NELL1: variants seen among roughly 807,000 people sequenced by gnomAD.
The protein encoded by NELL1 is protein kinase C-binding protein NELL1.
A neutral mutation model predicts 107.4 loss-of-function variants in NELL1; 76 were observed. The observed-to-expected ratio is 0.71, with a 90% CI of 0.59 to 0.86. The LOEUF is 0.86. Among genes scored for constraint, NELL1 ranks in the 40% least tolerant of loss-of-function variants. The pLI is 0.00. For missense variants in NELL1, 1,024 were observed against 1,005.5 expected (o/e 1.02, Z -0.25); for synonymous variants, 353 against 341.2 (o/e 1.03, Z -0.38).
intron 12 of NELL1, among the ~76,000 whole-genome samples, chr11:20,967,830 C>G (rs1002771820): frequency 1.3e-5 from 2 of 152,178 alleles, no homozygotes; most frequent in African/African-American, 2.4e-5. Context: ...TCCCATGCCT[C>G]TTAGAATAAT....
At chr11:21,418,843 T>A (rs1387790825) in intron 15 of NELL1, among the ~76,000 whole-genome samples, 1 of 152,162 alleles carries the variant, frequency 6.6e-6, no homozygotes, top group Admixed American at 6.6e-5. Flanking sequence ...ATTCCTTATG[T>A]GTGGATTTCA....
intron 12 of NELL1, among the ~76,000 whole-genome samples, chr11:20,975,132 C>T (rs978273934): frequency 2.0e-5 from 3 of 152,074 alleles, no homozygotes; most frequent in African/African-American, 4.8e-5. Context: ...CCTCAGCTTC[C>T]GAAGTAGCTG....
intron 12 of NELL1, among the ~76,000 whole-genome samples, chr11:21,060,285 T>C (rs576347026): frequency 4.4e-4 from 67 of 152,210 alleles, no homozygotes; most frequent in Non-Finnish European, 8.2e-4. Context: ...GATTTCTCCT[T>C]CTGTATTATG....
intron 12 of NELL1, among the ~76,000 whole-genome samples, chr11:21,017,423 TC>T (rs1852592479): frequency 6.6e-6 from 1 of 152,090 alleles, no homozygotes; most frequent in South Asian, 2.1e-4. Flanking sequence ...GGTGGCTGCT[TC>T]CCAGCTTTTG....
intron 17 of NELL1, among the ~76,000 whole-genome samples, chr11:21,565,984 ATC>A (rs1856963971): frequency 2.0e-5 from 3 of 151,960 alleles, no homozygotes; most frequent in African/African-American, 7.2e-5. Context: ...CATAGTCTAT[ATC>A]AGGCATCAGC....
At chr11:20,961,940 G>A (rs1851299731) in intron 12 of NELL1, among the ~76,000 whole-genome samples, 1 of 152,098 alleles carries the variant, frequency 6.6e-6, no homozygotes, top group African/African-American at 2.4e-5. Flanking sequence ...TACTACTAGA[G>A]ACCAGTACCT....
At chr11:21,418,180 A>G (rs923846574) in intron 15 of NELL1, among the ~76,000 whole-genome samples, 1 of 152,116 alleles carries the variant, frequency 6.6e-6, no homozygotes, top group Admixed American at 6.6e-5. Context: ...CTAGAAATAC[A>G]GTACTGAGAA....
At chr11:21,107,526 G>T (rs887072842) in intron 12 of NELL1, among the ~76,000 whole-genome samples, 12 of 152,052 alleles carry the variant, frequency 7.9e-5, no homozygotes, top group Non-Finnish European at 1.6e-4. Context: ...ATATCTGCTT[G>T]TTCACCCTAG....
chr11:20,742,230 G>A (rs756925908), intron 2 of NELL1, among the ~76,000 whole-genome samples: 44 of 152,190 alleles, frequency 2.9e-4, no homozygotes, highest in Non-Finnish European at 6.0e-4. Flanking sequence ...GTGCTGTGGC[G>A]GACACATCCT....
intron 4 of NELL1, among the ~76,000 whole-genome samples, chr11:20,861,040 C>T (rs982678429): frequency 6.6e-6 from 1 of 152,158 alleles, no homozygotes; most frequent in Non-Finnish European, 1.5e-5. Context: ...CCTCTTTGGG[C>T]AGGGTTTCAT....
At chr11:21,351,632 TG>T (rs1408454253) in intron 14 of NELL1, among the ~76,000 whole-genome samples, 4 of 152,132 alleles carry the variant, frequency 2.6e-5, no homozygotes, top group Non-Finnish European at 5.9e-5. Context: ...ATCTCTACTA[TG>T]TGGTCTACCT....
chr11:20,753,837 C>A (rs539882389), intron 2 of NELL1, among the ~76,000 whole-genome samples: 5 of 152,192 alleles, frequency 3.3e-5, no homozygotes, highest in African/African-American at 7.2e-5. Context: ...CCCTAGGATC[C>A]CAGGCTTATA....
intron 1 of NELL1, among the ~76,000 whole-genome samples, chr11:20,677,352 G>A (rs955067178): frequency 3.3e-5 from 5 of 152,122 alleles, no homozygotes; most frequent in Non-Finnish European, 5.9e-5. Flanking sequence ...CAGTCTCTGA[G>A]GCAGGTGGAT....
intron 13 of NELL1, among the ~76,000 whole-genome samples, chr11:21,179,293 A>T (rs966312811): frequency 6.6e-6 from 1 of 151,906 alleles, no homozygotes; most frequent in African/African-American, 2.4e-5. Context: ...AGGAAATAAT[A>T]TATTTGGAAG....
chr11:21,354,326 G>A (rs1303907936), intron 14 of NELL1, among the ~76,000 whole-genome samples: 1 of 152,036 alleles, frequency 6.6e-6, no homozygotes, highest in South Asian at 2.1e-4. Flanking sequence ...TTTATTTATT[G>A]TTTGTATTAT....
At chr11:21,504,467 A>G (rs1855230638) in intron 15 of NELL1, among the ~76,000 whole-genome samples, 1 of 152,092 alleles carries the variant, frequency 6.6e-6, no homozygotes, top group African/African-American at 2.4e-5. Flanking sequence ...ACTCCCCTCT[A>G]CTCACACAGC....
intron 3 of NELL1, among the ~76,000 whole-genome samples, chr11:20,794,886 A>G (rs111637600): frequency 0.034 from 5,121 of 152,298 alleles, 283 homozygotes; most frequent in African/African-American, 0.12. Flanking sequence ...AAGCACAATG[A>G]GGGAACAGCA....
chr11:21,176,017 T>G (rs1333075459), intron 13 of NELL1, among the ~76,000 whole-genome samples: 1 of 151,840 alleles, frequency 6.6e-6, no homozygotes, highest in Non-Finnish European at 1.5e-5. Flanking sequence ...CTAAAAGTCC[T>G]TCTTTTCCCC....
chr11:20,779,619 G>A (rs919652286), intron 2 of NELL1, among the ~76,000 whole-genome samples: 5 of 152,200 alleles, frequency 3.3e-5, no homozygotes, highest in African/African-American at 9.6e-5. Context: ...CTGCTGCAAA[G>A]TAGGTGACAT....
Sources: gnomAD v4.1 joint callset for allele counts (sites outside exome capture counted in the v4.1 genomes callset) on GRCh38, gnomAD v4.1.1 for gene constraint, MANE v1.5 for transcripts, NCBI Gene and HGNC (gene_info 2026-07-23, HGNC 2026-07-21) for gene names.